The following KAZN variants were observed in gnomAD, a reference collection of about 807,000 sequenced individuals.
KAZN encodes the protein kazrin, periplakin interacting protein, also known as kazrin.
In KAZN, 40 loss-of-function variants were observed where a neutral mutation model predicts 87.4. The ratio of observed to expected loss-of-function variants is 0.46; its 90% confidence interval spans 0.36 to 0.60. The LOEUF is 0.60. Ranked by LOEUF, KAZN falls within the 20% of genes least tolerant of loss-of-function variation. KAZN has a pLI of 0.00. For synonymous variants in KAZN, 466 were observed against 458.3 expected (o/e 1.02, Z -0.22); for missense variants, 898 against 1,073.9 (o/e 0.84, Z 2.29).
chr1:14,439,245 G>A (rs543434632), intron 2 of KAZN, among the ~76,000 whole-genome samples: 3 of 152,214 alleles, frequency 2.0e-5, no homozygotes, highest in Admixed American at 1.3e-4. Context: ...CTTCTCTTTT[G>A]TATTTTTCCA....
chr1:14,406,233 G>A (rs1027061376), intron 2 of KAZN, among the ~76,000 whole-genome samples: 4 of 151,718 alleles, frequency 2.6e-5, no homozygotes, highest in African/African-American at 9.7e-5. Context: ...CATCTACAAT[G>A]TACTCACAAA....
At chr1:14,484,092 G>A (rs1669225095) in intron 2 of KAZN, among the ~76,000 whole-genome samples, 1 of 151,970 alleles carries the variant, frequency 6.6e-6, no homozygotes, top group African/African-American at 2.4e-5. Flanking sequence ...GATTTATTTC[G>A]GAGCTTTCTA....
At chr1:14,099,602 G>A (rs1644204728) in intron 1 of KAZN, among the ~76,000 whole-genome samples, 2 of 152,160 alleles carry the variant, frequency 1.3e-5, no homozygotes, top group South Asian at 4.1e-4. Flanking sequence ...TGAGAGATAT[G>A]AAACTCCCTC....
At chr1:14,296,443 T>C (rs1358337813) in intron 2 of KAZN, among the ~76,000 whole-genome samples, 1 of 152,144 alleles carries the variant, frequency 6.6e-6, no homozygotes, top group Non-Finnish European at 1.5e-5. Context: ...AGTACATTTC[T>C]CATGGGCCTG....
At position 15,103,159 on chromosome 1, in the gene KAZN, C is replaced by T. The variant is rs952076765; in HGVS notation, c.1780-200C>T. The stretch of plus-strand genomic sequence containing the variant: ...GCAGGTGCCTGTAATCCCAGCTGCT[C>T]GGGAAGCTGAGGCAGGAGAATTGCT... On this transcript the variant is annotated intron_variant, in intron 11 of 14. Coordinates refer to ENST00000376030, the MANE Select transcript of KAZN (RefSeq NM_201628.3). Among the ~76,000 whole-genome samples the T allele has an allele frequency of 1.1e-4, 17 of 152,088 alleles. 1 individual carries two copies. The highest frequency in any genetic ancestry group is 6.3e-3 in the Middle Eastern group (2 of 316).
chr1:14,063,193 A>G (rs1252110174), intron 1 of KAZN, among the ~76,000 whole-genome samples: 1 of 152,226 alleles, frequency 6.6e-6, no homozygotes, highest in Non-Finnish European at 1.5e-5. Flanking sequence ...GCAGAGATGA[A>G]TAAAACATTA....
chr1:14,550,335 G>A (rs866625355), intron 2 of KAZN, among the ~76,000 whole-genome samples: 3 of 151,990 alleles, frequency 2.0e-5, no homozygotes, highest in Non-Finnish European at 4.4e-5. Context: ...TGGAACGGGG[G>A]AAAAAAAATT....
chr1:14,053,678 A>G (rs934323008), intron 1 of KAZN, among the ~76,000 whole-genome samples: 16 of 152,312 alleles, frequency 1.1e-4, no homozygotes, highest in Middle Eastern at 6.8e-3. Flanking sequence ...TAAAGAAAAC[A>G]GTGAAAATTG....
intron 1 of KAZN, among the ~76,000 whole-genome samples, chr1:14,861,396 G>C (rs1650836542): frequency 6.6e-6 from 1 of 152,022 alleles, no homozygotes; most frequent in Non-Finnish European, 1.5e-5. Context: ...ATAAAGCAAT[G>C]GCAAAAACTG....
intron 10 of KAZN, among the ~76,000 whole-genome samples, chr1:15,101,263 T>C (rs1000174958): frequency 6.6e-6 from 1 of 151,844 alleles, no homozygotes; most frequent in African/African-American, 2.4e-5. Context: ...TCTCTGTCTC[T>C]TTCTCTCTTT....
intron 2 of KAZN, among the ~76,000 whole-genome samples, chr1:14,585,019 G>T (rs979389709): frequency 1.3e-5 from 2 of 152,140 alleles, no homozygotes; most frequent in Admixed American, 6.6e-5. Flanking sequence ...CACAACTGGT[G>T]TCCTTACAAG....
chr1:14,275,945 G>C (rs1652309845), intron 2 of KAZN, among the ~76,000 whole-genome samples: 1 of 152,178 alleles, frequency 6.6e-6, no homozygotes, highest in African/African-American at 2.4e-5. Context: ...ATGGTCCTAT[G>C]TAAAAATGTT....
chr1:14,959,538 TG>T lies in KAZN; in HGVS notation c.227-1141del, dbSNP rs1663583686. The stretch of plus-strand genomic sequence containing the variant: ...GAAGGGGAAGGCAGTGTGCGGAGGG[TG>T]GGGGCGGCCCGGTGACCAGCATGCG... On this transcript the variant is annotated intron_variant, in intron 1 of 14. Transcript: ENST00000376030. Among the ~76,000 whole-genome samples, 4 of 151,954 alleles carry T rather than the reference TG, an allele frequency of 2.6e-5. No homozygotes were observed. In the South Asian group the frequency reaches 8.3e-4, roughly 32 times the overall value.
At chr1:14,602,983 C>CA (rs532735669) in intron 1 of KAZN, among the ~76,000 whole-genome samples, 2 of 152,274 alleles carry the variant, frequency 1.3e-5, no homozygotes, top group South Asian at 4.2e-4. Context: ...TAAATGCGTG[C>CA]AAGTTGTATT....
chr1:14,609,955 G>C (rs1257490722), intron 1 of KAZN, among the ~76,000 whole-genome samples: 3 of 152,228 alleles, frequency 2.0e-5, no homozygotes, highest in African/African-American at 7.2e-5. Flanking sequence ...TCATGGCTGG[G>C]TGAAGTCTGA....
chr1:14,894,443 C>T (rs930516937), intron 1 of KAZN, among the ~76,000 whole-genome samples: 2 of 152,226 alleles, frequency 1.3e-5, no homozygotes, highest in Non-Finnish European at 1.5e-5. Flanking sequence ...ACAGTCCTCA[C>T]TGTGTTAGGG....
At chr1:15,083,244 T>C (rs1640091026) in intron 8 of KAZN, among the ~76,000 whole-genome samples, 1 of 152,228 alleles carries the variant, frequency 6.6e-6, no homozygotes, top group African/African-American at 2.4e-5. Flanking sequence ...CCCTTTTAGT[T>C]GCAAATGTCA....
rs1194871850 is a variant in KAZN at position 15,114,896 on chromosome 1, C to T, written c.*261C>T. 2 of 353,442 alleles carry T rather than the reference C, an allele frequency of 5.7e-6. No homozygotes were observed. The highest frequency in any genetic ancestry group is 1.0e-5 in the Non-Finnish European group (2 of 192,010). 21.9% of individuals were successfully genotyped at this position (353,442 alleles called of 1,614,324 possible). On this transcript the variant is annotated 3_prime_UTR_variant, in exon 15 of 15. Coordinates refer to ENST00000376030, the MANE Select transcript of KAZN (RefSeq NM_201628.3). ...CCAGAGGACCTGTCACAGTGTCCGGCCCTGCCTCCATCCAGGATACACAGG... is the reference window on the plus strand; with the variant it reads ...CCAGAGGACCTGTCACAGTGTCCGGTCCTGCCTCCATCCAGGATACACAGG...
chr1:14,911,495 T>A (rs994255461), intron 1 of KAZN, among the ~76,000 whole-genome samples: 1 of 152,220 alleles, frequency 6.6e-6, no homozygotes, highest in Non-Finnish European at 1.5e-5. Context: ...GCATCCTGCA[T>A]TTCCGAGTGG....
Sources: gnomAD v4.1 joint callset for allele counts (sites outside exome capture counted in the v4.1 genomes callset) on GRCh38, gnomAD v4.1.1 for gene constraint, MANE v1.5 for transcripts, NCBI Gene and HGNC (gene_info 2026-07-23, HGNC 2026-07-21) for gene names.